CAPS2: variants seen among roughly 807,000 people sequenced by gnomAD.
The protein encoded by CAPS2 is calcyphosine 2, also known as calcyphosin-2.
In CAPS2, 98 loss-of-function variants were observed where a neutral mutation model predicts 86.5. The observed-to-expected ratio is 1.13, with a 90% CI of 0.96 to 1.34. CAPS2 has a LOEUF of 1.34. Ranked by LOEUF, CAPS2 falls within the 40% of genes most tolerant of loss-of-function variation. The pLI is 0.00. For synonymous variants in CAPS2, 210 were observed against 225.1 expected (o/e 0.93, Z 0.60); for missense variants, 729 against 686.8 (o/e 1.06, Z -0.69).
intron 1 of CAPS2, among the ~76,000 whole-genome samples, chr12:75,358,903 T>A (rs1300811145): frequency 2.2e-5 from 3 of 134,094 alleles, no homozygotes; most frequent in Non-Finnish European, 4.9e-5. Context: ...CATATAATTA[T>A]ATATTATATT....
At chr12:75,337,460 A>G (rs2041815232) in intron 1 of CAPS2, among the ~76,000 whole-genome samples, 1 of 151,940 alleles carries the variant, frequency 6.6e-6, no homozygotes, top group South Asian at 2.1e-4. Context: ...AATATTTTGA[A>G]CAAATTTATA....
At chr12:75,292,271 T>C (rs1443769317) in intron 12 of CAPS2, among the ~76,000 whole-genome samples, 1 of 152,046 alleles carries the variant, frequency 6.6e-6, no homozygotes, top group East Asian at 1.9e-4. Flanking sequence ...TTTCACCATG[T>C]TGGCCAGGCT....
upstream of CAPS2, chr12:75,334,907 G>A (rs2041615613): frequency 6.2e-7 from 1 of 1,612,820 alleles, no homozygotes; most frequent in Non-Finnish European, 8.5e-7. Context: ...TACATGGTGA[G>A]AAAGAACCAG....
chr12:75,331,986 C>A (rs150536834), upstream of CAPS2, among the ~76,000 whole-genome samples: 288 of 152,264 alleles, frequency 1.9e-3, no homozygotes, highest in African/African-American at 6.6e-3. Flanking sequence ...TGATTCCTGG[C>A]AATTAGACTT....
At chr12:75,289,492 T>A (rs1354508642) in intron 14 of CAPS2, 129 bp downstream of exon 14, 1 of 753,420 alleles carries the variant, frequency 1.3e-6, no homozygotes, top group Non-Finnish European at 2.1e-6. Context: ...TGTAACCTGA[T>A]AGCTTAACAC....
chr12:75,279,909 A>T (rs1565749999), intron 16 of CAPS2, among the ~76,000 whole-genome samples: 1 of 152,000 alleles, frequency 6.6e-6, no homozygotes, highest in Non-Finnish European at 1.5e-5. Context: ...TGAACAGAGG[A>T]GTTTTAACAC....
intron 5 of CAPS2, among the ~76,000 whole-genome samples, chr12:75,320,655 A>G (rs748554228): frequency 1.1e-4 from 16 of 152,032 alleles, no homozygotes; most frequent in Non-Finnish European, 1.8e-4. Context: ...CTACAGGAAA[A>G]TGCTAAGCAA....
chr12:75,292,645 T>C (rs983606359), intron 12 of CAPS2, among the ~76,000 whole-genome samples: 2 of 147,258 alleles, frequency 1.4e-5, no homozygotes, highest in African/African-American at 4.9e-5. Flanking sequence ...TATAGATCTA[T>C]ACATAATAGA....
At chr12:75,277,280 C>T (rs1363475795) in exon 17 of CAPS2, 3 of 970,974 alleles carry the variant, frequency 3.1e-6, no homozygotes, top group African/African-American at 1.8e-5. Context: ...ATGTGACATG[C>T]CAACATTAAG....
chr12:75,370,080 G>T (rs375572537), intron 1 of CAPS2: 182 of 1,580,044 alleles, frequency 1.2e-4, no homozygotes, highest in Non-Finnish European at 1.4e-4. Context: ...TTTTGTTTTT[G>T]ACAGAAAATC....
chr12:75,322,215 A>AT (rs2040371274), intron 4 of CAPS2, among the ~76,000 whole-genome samples: 1 of 152,174 alleles, frequency 6.6e-6, no homozygotes, highest in Non-Finnish European at 1.5e-5. Context: ...ACAGTGACCG[A>AT]AATATTATTT....
chr12:75,383,526 A>G (rs1242385417), intron 1 of CAPS2, among the ~76,000 whole-genome samples: 1 of 152,204 alleles, frequency 6.6e-6, no homozygotes, highest in African/African-American at 2.4e-5. Flanking sequence ...GAGAGTGTAG[A>G]AATATATGAG....
intron 6 of CAPS2, 172 bp downstream of exon 6, chr12:75,316,140 A>G: frequency 2.3e-6 from 2 of 882,786 alleles, no homozygotes; most frequent in East Asian, 5.6e-5. Context: ...CAGAATATAT[A>G]CCAAATACAA....
At chr12:75,289,243 T>A (rs955857446) in intron 14 of CAPS2, among the ~76,000 whole-genome samples, 2 of 152,170 alleles carry the variant, frequency 1.3e-5, no homozygotes, top group Admixed American at 1.3e-4. Flanking sequence ...CCTCCAGGCA[T>A]CCTTCCATGA....
chr12:75,293,410 A>G, intron 11 of CAPS2, 43 bp from the exon 12 acceptor site: 1 of 1,157,582 alleles, frequency 8.6e-7, no homozygotes, highest in Admixed American at 2.0e-5. Flanking sequence ...AGCATGTAAG[A>G]AATAAAATAT....
exon 13 of CAPS2, chr12:75,291,798 C>T: frequency 6.4e-7 from 1 of 1,553,714 alleles, no homozygotes; most frequent in Non-Finnish European, 8.8e-7. Flanking sequence ...ATTATATCAT[C>T]CTCCTGTTCC....
intron 1 of CAPS2, among the ~76,000 whole-genome samples, chr12:75,340,188 T>A (rs2042010714): frequency 6.6e-6 from 1 of 150,738 alleles, no homozygotes; most frequent in Non-Finnish European, 1.5e-5. Flanking sequence ...CACATTTTCT[T>A]TATTAACTTA....
chr12:75,366,451 A>T (rs973281457), intron 1 of CAPS2, among the ~76,000 whole-genome samples: 2 of 152,148 alleles, frequency 1.3e-5, no homozygotes, highest in African/African-American at 2.4e-5. Context: ...TTTTTCTTTG[A>T]TGTAATTTGC....
At chr12:75,378,832 C>T (rs2044799547) in intron 1 of CAPS2, among the ~76,000 whole-genome samples, 1 of 152,192 alleles carries the variant, frequency 6.6e-6, no homozygotes, top group African/African-American at 2.4e-5. Flanking sequence ...ACACACAAAA[C>T]TAACCATCAC....
Sources: gnomAD v4.1 joint callset for allele counts (sites outside exome capture counted in the v4.1 genomes callset) on GRCh38, gnomAD v4.1.1 for gene constraint, MANE v1.5 for transcripts, NCBI Gene and HGNC (gene_info 2026-07-23, HGNC 2026-07-21) for gene names.